RORA: variants seen among roughly 807,000 people sequenced by gnomAD.
RORA encodes the protein nuclear receptor ROR-alpha.
A neutral mutation model predicts 69.5 loss-of-function variants in RORA; 7 were observed. The ratio of observed to expected loss-of-function variants is 0.10; its 90% CI spans 0.06 to 0.19. The LOEUF is 0.19. Among genes scored for constraint, RORA ranks in the 10% least tolerant of loss-of-function variants. RORA has a pLI of 1.00. For missense variants in RORA, 457 were observed against 663.0 expected, an observed-to-expected ratio of 0.69 and a Z score of 3.41; for synonymous variants, 261 against 240.8, an observed-to-expected ratio of 1.08 and a Z score of -0.78.
chr15:60,658,026 CA>C (rs997714552), intron 2 of RORA, among the ~76,000 whole-genome samples: 5 of 151,908 alleles, frequency 3.3e-5, no homozygotes, highest in Admixed American at 3.3e-4. Flanking sequence ...CTGCCTCCTC[CA>C]AAAAAAGGAA....
chr15:60,690,147 A>C (rs1415050836), intron 1 of RORA, among the ~76,000 whole-genome samples: 1 of 152,180 alleles, frequency 6.6e-6, no homozygotes, highest in East Asian at 1.9e-4. Flanking sequence ...AACAGAGTGC[A>C]GTTGTTTTCT....
At chr15:61,024,336 T>C (rs1161659847) in intron 1 of RORA, among the ~76,000 whole-genome samples, 3 of 133,098 alleles carry the variant, frequency 2.3e-5, no homozygotes, top group Non-Finnish European at 4.6e-5. Flanking sequence ...CACGCTGGAG[T>C]GCAGTGGTTC....
intron 1 of RORA, among the ~76,000 whole-genome samples, chr15:60,722,791 G>C (rs772440434): frequency 4.6e-5 from 7 of 152,212 alleles, no homozygotes; most frequent in Non-Finnish European, 1.0e-4. Flanking sequence ...TGGAGACCCT[G>C]TCATTCTGAT....
chr15:60,751,039 G>T (rs1014245553), intron 1 of RORA, among the ~76,000 whole-genome samples: 3 of 152,214 alleles, frequency 2.0e-5, no homozygotes, highest in African/African-American at 7.2e-5. Flanking sequence ...GAGCAGGGAA[G>T]AAAGGCAGGT....
chr15:60,520,865 A>G (rs1478984292), intron 3 of RORA, among the ~76,000 whole-genome samples: 1 of 152,212 alleles, frequency 6.6e-6, no homozygotes, highest in Non-Finnish European at 1.5e-5. Context: ...AAATACATGG[A>G]GATGTTCATT....
chr15:60,513,080 C>T (rs1324723317), intron 4 of RORA, among the ~76,000 whole-genome samples: 2 of 152,186 alleles, frequency 1.3e-5, no homozygotes, highest in East Asian at 3.8e-4. Flanking sequence ...AACCAAGGCC[C>T]TCACAGTGGC....
chr15:61,208,125 G>A (rs375160564), intron 1 of RORA, among the ~76,000 whole-genome samples: 6 of 152,182 alleles, frequency 3.9e-5, no homozygotes, highest in African/African-American at 1.4e-4. Flanking sequence ...GAGGGGAAGC[G>A]CTCCAAGGGT....
intron 2 of RORA, among the ~76,000 whole-genome samples, chr15:60,590,199 C>CTCTCTCTCTCTT (rs1251309664): frequency 3.3e-5 from 5 of 151,756 alleles, no homozygotes; most frequent in African/African-American, 1.2e-4. Context: ...CTCTCTCTCT[C>CTCTCTCTCTCTT]TTTCAGGCAG....
At chr15:60,543,393 T>C (rs2066964317) in intron 2 of RORA, among the ~76,000 whole-genome samples, 1 of 152,114 alleles carries the variant, frequency 6.6e-6, no homozygotes, top group South Asian at 2.1e-4. Flanking sequence ...TATCTCATTA[T>C]TACAGGGTAC....
rs1223053401 is a variant in RORA, at chr15:60,537,199, A to T, written c.197-5348T>A. On this transcript the variant is annotated intron_variant, in intron 2 of 10. Coordinates refer to ENST00000335670, the MANE Select transcript of RORA (RefSeq NM_134261.3). This position sits in a 1 kb window ranked among gnomAD's most constrained non-coding sequence, Gnocchi z 4.9. Reference sequence around the variant, plus strand: ...AGTCTTCACCTTATTCCCTGGAGGGACTTCAGGAGCACCAGGCTTCTAGAA... The same window carrying T: ...AGTCTTCACCTTATTCCCTGGAGGGTCTTCAGGAGCACCAGGCTTCTAGAA... Among the ~76,000 whole-genome samples the T allele has an allele frequency of 6.6e-6, 1 of 152,144 alleles. No homozygotes were observed. The highest frequency in any genetic ancestry group is 1.5e-5 in the Non-Finnish European group (1 of 68,014).
intron 6 of RORA, 87 bp downstream of exon 6, chr15:60,505,421 C>T: frequency 1.6e-6 from 2 of 1,260,194 alleles, no homozygotes; most frequent in South Asian, 1.3e-5. Flanking sequence ...ATTCTTTAGT[C>T]TGTGTGAACT....
rs576520392 is a variant in RORA at position 61,156,640 on chromosome 15, T to G, written c.166+72413A>C. Among the ~76,000 whole-genome samples, 17 of 152,254 alleles carry G rather than the reference T, an allele frequency of 1.1e-4. 1 individual carries two copies. In the South Asian group the frequency reaches 3.3e-3, roughly 30 times the overall value. ...GAGGAAAGTTCTGGAAGCTACAGCA[T>G]TATAAGAGCCATCCTTTAGGGTATA... On this transcript the variant is annotated intron_variant, in intron 1 of 10. Transcript: ENST00000335670.
chr15:61,026,232 A>G (rs10519106), intron 1 of RORA, among the ~76,000 whole-genome samples: 3,737 of 152,294 alleles, frequency 0.025, 173 homozygotes, highest in African/African-American at 0.087. Flanking sequence ...CTTCTGATGC[A>G]TGAGGCTCCG....
chr15:60,727,391 G>A (rs1428144104), intron 1 of RORA, among the ~76,000 whole-genome samples: 1 of 152,052 alleles, frequency 6.6e-6, no homozygotes, highest in Non-Finnish European at 1.5e-5. Context: ...CACTCCTAGG[G>A]CACACATTGC....
At chr15:60,720,157 C>T (rs1018314270) in intron 1 of RORA, among the ~76,000 whole-genome samples, 1 of 152,120 alleles carries the variant, frequency 6.6e-6, no homozygotes, top group African/African-American at 2.4e-5. Context: ...TAGGCCATGA[C>T]CTGCCCTAGG....
intron 2 of RORA, chr15:60,556,967 A>C: frequency 6.5e-7 from 1 of 1,541,086 alleles, no homozygotes; most frequent in African/African-American, 1.4e-5. Context: ...AAGGACAAAG[A>C]AAAGATTTAT....
intron 1 of RORA, among the ~76,000 whole-genome samples, chr15:60,718,427 A>C (rs2071247987): frequency 6.6e-6 from 1 of 152,162 alleles, no homozygotes; most frequent in Admixed American, 6.5e-5. Flanking sequence ...CCTCACTTTT[A>C]AAAATGAGTC....
rs528577726 is a variant in RORA at position 60,801,785 on chromosome 15, T to C, written c.167-123099A>G. Among the ~76,000 whole-genome samples the C allele has an allele frequency of 3.3e-5, 5 of 152,330 alleles. No individual in the cohort carries two copies. The East Asian group carries it at 7.7e-4, about 23-fold the overall frequency. Reference sequence around the variant, plus strand: ...GGCTTTTTAGCTTACAGAAGTCTCCTAAGAGGATGCAAGCAGGCTTGTGTG... The same window carrying C: ...GGCTTTTTAGCTTACAGAAGTCTCCCAAGAGGATGCAAGCAGGCTTGTGTG... On this transcript the variant is annotated intron_variant, in intron 1 of 10. Coordinates refer to ENST00000335670, the MANE Select transcript of RORA (RefSeq NM_134261.3).
intron 1 of RORA, among the ~76,000 whole-genome samples, chr15:61,087,402 A>C (rs2078641096): frequency 6.6e-6 from 1 of 152,240 alleles, no homozygotes. Context: ...GGCTCTCAGC[A>C]GTGTCTTCAA....
Sources: allele counts gnomAD v4.1 joint callset (sites outside exome capture counted in the v4.1 genomes callset), GRCh38; gene constraint gnomAD v4.1.1; non-coding constraint Gnocchi (gnomAD v3.1); transcripts MANE v1.5; gene names NCBI Gene and HGNC (gene_info 2026-07-23, HGNC 2026-07-21).